PPP2R3A: variants seen among roughly 807,000 people sequenced by gnomAD.
PPP2R3A encodes the protein serine/threonine-protein phosphatase 2A regulatory subunit B'' subunit alpha.
PPP2R3A carries 80 observed loss-of-function variants against 106.9 expected under a neutral mutation model. The observed-to-expected ratio is 0.75, with a 90% confidence interval of 0.62 to 0.90. PPP2R3A has a LOEUF of 0.90. Among genes scored for constraint, PPP2R3A ranks in the 40% least tolerant of loss-of-function variants. The probability of loss-of-function intolerance (pLI) is 0.00; values close to 1 mark genes in which losing one functional copy is unlikely to be tolerated. For missense variants in PPP2R3A, 1,386 were observed against 1,350.4 expected (o/e 1.03, Z -0.41); for synonymous variants, 483 against 468.3 (o/e 1.03, Z -0.41).
intron 1 of PPP2R3A, among the ~76,000 whole-genome samples, chr3:135,973,928 T>G (rs1190845987): frequency 6.6e-6 from 1 of 152,192 alleles, no homozygotes; most frequent in Non-Finnish European, 1.5e-5. Flanking sequence ...CAGTTCCTTT[T>G]CCACCAGTCT....
chr3:136,117,339 A>C (rs770714315), intron 13 of PPP2R3A, among the ~76,000 whole-genome samples: 1 of 152,336 alleles, frequency 6.6e-6, no homozygotes, highest in Non-Finnish European at 1.5e-5. Context: ...TAGAGAAGCA[A>C]GAGCAAACAA....
rs796199712 is a variant in PPP2R3A at position 136,004,890 on chromosome 3, A to T, written c.1995+1397A>T. Among the ~76,000 whole-genome samples the T allele has an allele frequency of 3.0e-4, 45 of 152,294 alleles. 1 individual carries two copies. The highest frequency in any genetic ancestry group is 9.6e-4 in the African/African-American group (40 of 41,554). ...CTTAAATATTACGTAGTAATTTTTTAAAAAACTAATTGGATATTTGAGATG... is the reference window on the plus strand; with the variant it reads ...CTTAAATATTACGTAGTAATTTTTTTAAAAACTAATTGGATATTTGAGATG... On this transcript the variant is annotated intron_variant, in intron 2 of 13. Coordinates refer to ENST00000264977, the MANE Select transcript of PPP2R3A (RefSeq NM_002718.5).
At chr3:135,991,842 T>C (rs1933177596) in intron 1 of PPP2R3A, among the ~76,000 whole-genome samples, 1 of 152,098 alleles carries the variant, frequency 6.6e-6, no homozygotes, top group African/African-American at 2.4e-5. Context: ...GCGGTAAAAA[T>C]AAAAGTTAGT....
chr3:136,030,809 T>C (rs902680365), intron 3 of PPP2R3A, among the ~76,000 whole-genome samples: 10 of 147,744 alleles, frequency 6.8e-5, no homozygotes, highest in Admixed American at 1.3e-4. Context: ...TATGTATGTA[T>C]GTATGTATGT....
chr3:136,100,625 C>G lies in PPP2R3A; in HGVS notation c.2928-1382C>G, dbSNP rs908914072. Among the ~76,000 whole-genome samples the G allele has an allele frequency of 5.3e-5, 8 of 151,918 alleles. No individual in the cohort carries two copies. The East Asian group carries it at 1.4e-3, about 26-fold the overall frequency. ...ACCCGGGAGGCAGAGGTTGCGGTGCCAAGATCACACCACTGCACTCCAGCC... is the reference window on the plus strand; with the variant it reads ...ACCCGGGAGGCAGAGGTTGCGGTGCGAAGATCACACCACTGCACTCCAGCC... On this transcript the variant is annotated intron_variant, in intron 10 of 13. Coordinates refer to ENST00000264977, the MANE Select transcript of PPP2R3A (RefSeq NM_002718.5).
intron 3 of PPP2R3A, among the ~76,000 whole-genome samples, chr3:136,039,837 T>G (rs1196747748): frequency 6.6e-6 from 1 of 151,740 alleles, no homozygotes; most frequent in African/African-American, 2.4e-5. Context: ...TAGAGAATTT[T>G]TTCTCCTTCA....
At chr3:135,971,603 C>T (rs1937249207) in intron 1 of PPP2R3A, among the ~76,000 whole-genome samples, 1 of 152,176 alleles carries the variant, frequency 6.6e-6, no homozygotes, top group South Asian at 2.1e-4. Context: ...GGAATATCAT[C>T]TTGTGAGGGA....
chr3:136,096,748 A>G (rs1422474497), intron 10 of PPP2R3A, among the ~76,000 whole-genome samples: 2 of 152,234 alleles, frequency 1.3e-5, no homozygotes, highest in Non-Finnish European at 2.9e-5. Flanking sequence ...ACAGGAGTTT[A>G]TATTAGGGGT....
rs115431753 is a variant in PPP2R3A at position 136,003,007 on chromosome 3, C to T, written c.1509C>T (p.Ser503=). The part of the protein sequence containing the change: ...EEGDQRDFTN[S]SSQEEIDKLL... Reference sequence around the variant, plus strand: ...GAGACCAGAGAGATTTTACAAATTCCAGTAGCCAGGAAGAGATAGATAAAT... The same window carrying T: ...GAGACCAGAGAGATTTTACAAATTCTAGTAGCCAGGAAGAGATAGATAAAT... The change falls in exon 2 of 14, where the codon TCC becomes TCT. Residue 503 remains serine, a synonymous_variant. Coordinates refer to ENST00000264977, the MANE Select transcript of PPP2R3A (RefSeq NM_002718.5). 3,928 of 1,613,508 alleles carry T rather than the reference C, an allele frequency of 2.4e-3. 7 individuals carry two copies. The highest frequency in any genetic ancestry group is 3.0e-3 in the Non-Finnish European group (3,516 of 1,179,792).
In PPP2R3A at chr3:136,049,468, T is replaced by C. The variant is rs571356676; in HGVS notation, c.2469+107T>C. The C allele has an allele frequency of 1.5e-4, 111 of 732,876 alleles. No individual in the cohort carries two copies. The South Asian group carries it at 1.9e-3, about 13-fold the overall frequency. 45.4% of individuals were successfully genotyped at this position (732,876 alleles called of 1,614,324 possible). On this transcript the variant is annotated intron_variant, in intron 5 of 13. Coordinates refer to ENST00000264977, the MANE Select transcript of PPP2R3A (RefSeq NM_002718.5). The stretch of plus-strand genomic sequence containing the variant: ...CAATTGAGCTACACAGATCTAGATA[T>C]CAGATTCTAGAAGAGTGGTTTTCAA...
At chr3:136,010,587 C>G (rs564340273) in intron 2 of PPP2R3A, among the ~76,000 whole-genome samples, 1 of 151,916 alleles carries the variant, frequency 6.6e-6, no homozygotes, top group African/African-American at 2.4e-5. Context: ...CCACTACGCC[C>G]GGCTAATTTT....
chr3:135,987,802 T>C (rs1932984500), intron 1 of PPP2R3A, among the ~76,000 whole-genome samples: 1 of 152,210 alleles, frequency 6.6e-6, no homozygotes, highest in African/African-American at 2.4e-5. Context: ...TGGCTGTATT[T>C]CAAGTGCTCA....
chr3:136,143,704 T>C lies in PPP2R3A; in HGVS notation c.3330-1339T>C, dbSNP rs6765530. Among the ~76,000 whole-genome samples, 977 of 152,030 alleles carry C rather than the reference T, an allele frequency of 6.4e-3. 10 individuals are homozygous for C. Among genetic ancestry groups the C allele is most frequent in the African/African-American group, 0.023 (948 of 41,462 alleles). On this transcript the variant is annotated intron_variant, in intron 13 of 13. Transcript: ENST00000264977. ...TACTCGGGAGGCTGAGGCAGGAGAATCACTTGAACTTGGGAGGCAGAGGTT... is the reference window on the plus strand; with the variant it reads ...TACTCGGGAGGCTGAGGCAGGAGAACCACTTGAACTTGGGAGGCAGAGGTT...
chr3:136,049,284 G>A lies in PPP2R3A; in HGVS notation c.2392G>A (p.Ala798Thr). 2 of 1,613,320 alleles carry A rather than the reference G, an allele frequency of 1.2e-6. No individual in the cohort carries two copies. Among genetic ancestry groups the A allele is most frequent in the Non-Finnish European group, 1.7e-6 (2 of 1,179,522 alleles). ...GTTGCTGAATAACCATCATGATGATGCCTCTAAATTCATCTGTCTTCTAGC... is the reference window on the plus strand; with the variant it reads ...GTTGCTGAATAACCATCATGATGATACCTCTAAATTCATCTGTCTTCTAGC... ...RKLLNNHHDD[A>T]SKFICLLAKP... The change falls in exon 5 of 14, where the codon GCC becomes ACC. Residue 798 changes from alanine (A) to threonine (T), a missense_variant. Ala to Thr is a moderately conservative substitution (Grantham distance 58, BLOSUM62 0). Transcript: ENST00000264977.
intron 13 of PPP2R3A, among the ~76,000 whole-genome samples, chr3:136,108,698 G>T (rs2107978909): frequency 6.6e-6 from 1 of 150,852 alleles, no homozygotes; most frequent in South Asian, 2.1e-4. Flanking sequence ...TTTATCATTG[G>T]GTTTTTTTTT....
chr3:136,042,931 T>C (rs1171588789), intron 4 of PPP2R3A, among the ~76,000 whole-genome samples: 4 of 152,014 alleles, frequency 2.6e-5, no homozygotes, highest in Non-Finnish European at 5.9e-5. Flanking sequence ...TGGTGTGAGT[T>C]ACCACGTTGA....
chr3:136,072,770 T>C (rs1936476348), intron 6 of PPP2R3A, among the ~76,000 whole-genome samples: 1 of 152,200 alleles, frequency 6.6e-6, no homozygotes, highest in Non-Finnish European at 1.5e-5. Context: ...TAGTCCAAAC[T>C]GTTGGCATGT....
intron 1 of PPP2R3A, among the ~76,000 whole-genome samples, chr3:135,966,612 C>G (rs910812895): frequency 9.9e-5 from 15 of 152,170 alleles, no homozygotes; most frequent in Admixed American, 5.9e-4. Flanking sequence ...CCCGTTATTC[C>G]CAGTCCTCCC....
intron 13 of PPP2R3A, among the ~76,000 whole-genome samples, chr3:136,132,449 T>C (rs2108019453): frequency 6.6e-6 from 1 of 152,222 alleles, no homozygotes; most frequent in South Asian, 2.1e-4. Flanking sequence ...CAAAAATCAG[T>C]AGTACAGTAT....
Sources: gnomAD v4.1 joint callset for allele counts (sites outside exome capture counted in the v4.1 genomes callset) on GRCh38, gnomAD v4.1.1 for gene constraint, MANE v1.5 for transcripts, NCBI Gene and HGNC (gene_info 2026-07-23, HGNC 2026-07-21) for gene names.